HDAC1: variants seen among roughly 807,000 people sequenced by gnomAD.
HDAC1 encodes the protein histone deacetylase 1, also known as protein deacetylase HDAC1.
HDAC1 carries 18 observed loss-of-function variants against 65.5 expected under a neutral mutation model. The ratio of observed to expected loss-of-function variants is 0.27; its 90% CI spans 0.19 to 0.41. The LOEUF is 0.41. Ranked by LOEUF, HDAC1 falls within the 10% of genes least tolerant of loss-of-function variation. The pLI is 1.00. For synonymous variants in HDAC1, 211 were observed against 227.9 expected (o/e 0.93, Z 0.67); for missense variants, 373 against 625.2 (o/e 0.60, Z 4.30).
rs765762274 is a variant in HDAC1 at position 32,331,817 on chromosome 1, G to A, written c.1219+11G>A. On this transcript the variant is annotated intron_variant, in intron 11 of 13. Coordinates refer to ENST00000373548, the MANE Select transcript of HDAC1 (RefSeq NM_004964.3). This position sits in a 1 kb window ranked among gnomAD's most constrained non-coding sequence, Gnocchi z 4.2. ...ACAAGCGCATCTCGAGTGAGACCCA[G>A]ACCTAGAGCCCTATGCCTTCCATTC... 6.2e-7 allele frequency: 1 copy of A among 1,601,940 alleles called. No individual in the cohort carries two copies. Among genetic ancestry groups the A allele is most frequent in the Non-Finnish European group, 8.5e-7 (1 of 1,173,446 alleles).
At chr1:32,324,078 G>A (rs2148068780) in intron 3 of HDAC1, among the ~76,000 whole-genome samples, 1 of 151,264 alleles carries the variant, frequency 6.6e-6, no homozygotes, top group African/African-American at 2.4e-5. Context: ...GAGGCCTAGG[G>A]AACATAGTGA....
At position 32,298,557 on chromosome 1, in the gene HDAC1, G is replaced by A. The variant is rs528457960; in HGVS notation, c.50-4064G>A. ...CTTGAGAAACTGAGTTTTGCAGTGA[G>A]GTCATTACTTTGGGATTCAGATTTG... On this transcript the variant is annotated intron_variant, in intron 1 of 13. Transcript: ENST00000373548. Among the ~76,000 whole-genome samples, 355 of 152,278 alleles carry A rather than the reference G, an allele frequency of 2.3e-3. 2 individuals are homozygous for A. Among genetic ancestry groups the A allele is most frequent in the Non-Finnish European group, 3.9e-3 (263 of 68,022 alleles).
chr1:32,332,894 T>C (rs978165563), intron 13 of HDAC1, 123 bp from the exon 14 acceptor site: 26 of 1,169,012 alleles, frequency 2.2e-5, no homozygotes, highest in Non-Finnish European at 3.0e-5. Flanking sequence ...TCTGCAGTTC[T>C]AGGCAGAGCT....
intron 1 of HDAC1, 21 bp from the exon 2 acceptor site, chr1:32,302,600 C>G: frequency 1.7e-6 from 2 of 1,169,352 alleles, no homozygotes; most frequent in Non-Finnish European, 2.6e-6. Context: ...GTTAGTGAAG[C>G]TGTCACTCTC....
Position 32,331,662 on chromosome 1 carries a change from C to G in HDAC1, c.1089-14C>G, listed in dbSNP as rs769656946. 12 of 1,613,254 alleles carry G rather than the reference C, an allele frequency of 7.4e-6. No homozygotes were observed. The highest frequency in any genetic ancestry group is 1.0e-5 in the Non-Finnish European group (12 of 1,179,482). On this transcript the variant is annotated splice_polypyrimidine_tract_variant and intron_variant, in intron 10 of 13. Transcript: ENST00000373548. This position sits in a 1 kb window ranked among gnomAD's most constrained non-coding sequence, Gnocchi z 4.2. ...CCTGACCAGAGCCCTGCTACTCTCTCCCATTGGCCACAGACAGCGACTGTT... is the reference window on the plus strand; with the variant it reads ...CCTGACCAGAGCCCTGCTACTCTCTGCCATTGGCCACAGACAGCGACTGTT...
chr1:32,314,223 G>T (rs948486508), intron 2 of HDAC1, among the ~76,000 whole-genome samples: 1 of 152,098 alleles, frequency 6.6e-6, no homozygotes. Context: ...ACGGGGTCTT[G>T]CTCTGTTGCC....
Position 32,313,754 on chromosome 1 carries a change from C to T in HDAC1, c.163-2911C>T, listed in dbSNP as rs76084567. ...TCCCCATGTCTGTGTAGGTTTTCTCCGGGTACTCCATTTTTCTCCCACATC... is the reference window on the plus strand; with the variant it reads ...TCCCCATGTCTGTGTAGGTTTTCTCTGGGTACTCCATTTTTCTCCCACATC... On this transcript the variant is annotated intron_variant, in intron 2 of 13. Coordinates refer to ENST00000373548, the MANE Select transcript of HDAC1 (RefSeq NM_004964.3). 6.8e-3 allele frequency among the ~76,000 whole-genome samples: 1,031 copies of T among 152,174 alleles called. 10 individuals are homozygous for T. Among genetic ancestry groups the T allele is most frequent in the African/African-American group, 0.023 (960 of 41,500 alleles).
chr1:32,312,042 A>T (rs1408616531), intron 2 of HDAC1, among the ~76,000 whole-genome samples: 1 of 152,142 alleles, frequency 6.6e-6, no homozygotes, highest in Non-Finnish European at 1.5e-5. Context: ...ACAGGGTCTC[A>T]CTGTGTTTGC....
In HDAC1 at chr1:32,320,151, C is replaced by T. The variant is rs551239389; in HGVS notation, c.280+3369C>T. ...ACCAGAATGGTGTGAACCCGACAGG[C>T]GGAGCTTGCAGTGAGCCGAGATCAC... is the stretch of plus-strand genomic sequence containing the variant. On this transcript the variant is annotated intron_variant, in intron 3 of 13. Coordinates refer to ENST00000373548, the MANE Select transcript of HDAC1 (RefSeq NM_004964.3). Among the ~76,000 whole-genome samples, 4 of 151,338 alleles carry T rather than the reference C, an allele frequency of 2.6e-5. No individual in the cohort carries two copies. In the South Asian group the frequency reaches 6.3e-4, roughly 24 times the overall value.
chr1:32,328,719 A>C (rs767671578), intron 6 of HDAC1, among the ~76,000 whole-genome samples: 1 of 152,202 alleles, frequency 6.6e-6, no homozygotes, highest in Non-Finnish European at 1.5e-5. Flanking sequence ...CTGGAGTGGA[A>C]AGGGTTGTCA....
chr1:32,326,770 T>C (rs1181464274), intron 4 of HDAC1, among the ~76,000 whole-genome samples, 169 bp from the exon 5 acceptor site: 1 of 149,310 alleles, frequency 6.7e-6, no homozygotes, highest in African/African-American at 2.5e-5. Flanking sequence ...GTAGACAGTA[T>C]CATGTATTCC....
chr1:32,321,812 G>C (rs912170703), intron 3 of HDAC1, among the ~76,000 whole-genome samples: 2 of 151,990 alleles, frequency 1.3e-5, no homozygotes, highest in African/African-American at 4.8e-5. Flanking sequence ...ACAAAGCTTT[G>C]GAAACGCAGG....
At chr1:32,321,103 T>G (rs1293937370) in intron 3 of HDAC1, among the ~76,000 whole-genome samples, 1 of 150,624 alleles carries the variant, frequency 6.6e-6, no homozygotes, top group Admixed American at 6.6e-5. Context: ...TGGTGGTGGG[T>G]GCCTGTAGTC....
intron 4 of HDAC1, 59 bp from the exon 5 acceptor site, chr1:32,326,880 C>T (rs1641226919): frequency 1.3e-6 from 2 of 1,597,056 alleles, no homozygotes; most frequent in Non-Finnish European, 1.7e-6. Flanking sequence ...CCCTGGGCTT[C>T]TTGGAGGAAG....
At chr1:32,321,921 G>C (rs912724920) in intron 3 of HDAC1, among the ~76,000 whole-genome samples, 1 of 152,090 alleles carries the variant, frequency 6.6e-6, no homozygotes, top group Non-Finnish European at 1.5e-5. Flanking sequence ...TATTTACACA[G>C]CCTCCCAGTG....
chr1:32,317,990 G>A (rs1641087151), intron 3 of HDAC1, among the ~76,000 whole-genome samples: 1 of 152,002 alleles, frequency 6.6e-6, no homozygotes, highest in Admixed American at 6.6e-5. Flanking sequence ...ACAGAGTTTC[G>A]CTCTTGTTGC....
At chr1:32,314,196 T>C (rs1570019453) in intron 2 of HDAC1, among the ~76,000 whole-genome samples, 1 of 152,208 alleles carries the variant, frequency 6.6e-6, no homozygotes, top group East Asian at 1.9e-4. Flanking sequence ...TAAATAATAA[T>C]GTATATATTT....
intron 11 of HDAC1, 52 bp from the exon 12 acceptor site, chr1:32,332,038 G>A: frequency 6.7e-7 from 1 of 1,503,278 alleles, no homozygotes; most frequent in Admixed American, 2.4e-5. Context: ...TAGATGCTGA[G>A]CTAAATCAGC....
intron 2 of HDAC1, among the ~76,000 whole-genome samples, chr1:32,309,184 CA>C (rs1640952790): frequency 6.6e-6 from 1 of 152,108 alleles, no homozygotes; most frequent in Non-Finnish European, 1.5e-5. Flanking sequence ...CTTGTTGCTT[CA>C]AATAAAGGTA....
Sources: gnomAD v4.1 joint callset for allele counts (sites outside exome capture counted in the v4.1 genomes callset) on GRCh38, gnomAD v4.1.1 for gene constraint, Gnocchi (gnomAD v3.1) non-coding constraint, MANE v1.5 for transcripts, NCBI Gene and HGNC (gene_info 2026-07-23, HGNC 2026-07-21) for gene names.